MACROD2: variants seen among roughly 807,000 people sequenced by gnomAD.
MACROD2 encodes the protein mono-ADP ribosylhydrolase 2.
In MACROD2, 36 loss-of-function variants were observed where a neutral mutation model predicts 70.4. The ratio of observed to expected loss-of-function variants is 0.51; its 90% CI spans 0.39 to 0.68. The LOEUF (loss-of-function observed/expected upper bound fraction) is 0.68. Ranked by LOEUF, MACROD2 falls within the 30% of genes least tolerant of loss-of-function variation. The probability of loss-of-function intolerance (pLI) is 0.00; values close to 1 mark genes in which losing one functional copy is unlikely to be tolerated. For synonymous variants in MACROD2, 172 were observed against 178.8 expected (o/e 0.96, Z 0.30); for missense variants, 496 against 538.4 (o/e 0.92, Z 0.78).
chr20:14,821,653 G>T (rs907017505), intron 5 of MACROD2, among the ~76,000 whole-genome samples: 1 of 152,074 alleles, frequency 6.6e-6, no homozygotes, highest in African/African-American at 2.4e-5. Flanking sequence ...ACATCTTTGG[G>T]CATGGTCCTT....
chr20:14,620,202 C>G (rs1983750400), intron 4 of MACROD2, among the ~76,000 whole-genome samples: 1 of 151,808 alleles, frequency 6.6e-6, no homozygotes, highest in Non-Finnish European at 1.5e-5. Context: ...GATGATGTGC[C>G]ACTTCCATGT....
At chr20:14,229,510 A>G (rs2081779725) in intron 3 of MACROD2, among the ~76,000 whole-genome samples, 1 of 152,236 alleles carries the variant, frequency 6.6e-6, no homozygotes, top group African/African-American at 2.4e-5. Flanking sequence ...TGCAAGTTAA[A>G]ATAACAATTA....
chr20:14,793,238 A>G (rs748558040), intron 5 of MACROD2, among the ~76,000 whole-genome samples: 1 of 151,970 alleles, frequency 6.6e-6, no homozygotes. Flanking sequence ...TATAGTGTGA[A>G]TTAGAAATTA....
At chr20:14,141,386 TG>T (rs1272505274) in intron 3 of MACROD2, among the ~76,000 whole-genome samples, 1 of 152,204 alleles carries the variant, frequency 6.6e-6, no homozygotes, top group Non-Finnish European at 1.5e-5. Context: ...AGTTTTGTTT[TG>T]GTCTTAACAT....
intron 3 of MACROD2, among the ~76,000 whole-genome samples, chr20:14,237,693 T>TCCCCCCCCC (rs569732095): frequency 1.7e-5 from 1 of 57,162 alleles, no homozygotes; most frequent in Non-Finnish European, 3.6e-5. Context: ...CCCTCTCCCC[T>TCCCCCCCCC]CCCCCCCACC....
chr20:14,402,109 AGTGTAT>A (rs1031373811), intron 3 of MACROD2, among the ~76,000 whole-genome samples: 3 of 152,096 alleles, frequency 2.0e-5, no homozygotes, highest in Non-Finnish European at 2.9e-5. Flanking sequence ...TTCAATTATA[AGTGTAT>A]GTGTATGTGT....
intron 3 of MACROD2, among the ~76,000 whole-genome samples, chr20:14,458,776 C>G (rs2083268280): frequency 6.6e-6 from 1 of 152,052 alleles, no homozygotes; most frequent in Admixed American, 6.6e-5. Context: ...CTGAATTAGT[C>G]TCAAACACAA....
intron 3 of MACROD2, among the ~76,000 whole-genome samples, chr20:14,328,255 C>T (rs1176325801): frequency 6.6e-6 from 1 of 152,072 alleles, no homozygotes; most frequent in Non-Finnish European, 1.5e-5. Flanking sequence ...AATTACAAAG[C>T]TAATACATCC....
At chr20:15,121,513 CAAAAAAAAAA>C (rs5840653) in intron 5 of MACROD2, among the ~76,000 whole-genome samples, 1 of 122,036 alleles carries the variant, frequency 8.2e-6, no homozygotes, top group East Asian at 2.3e-4. Flanking sequence ...AACTCTGCCT[CAAAAAAAAAA>C]AAAAAAAGAA....
chr20:14,473,763 C>T (rs1397001365), intron 3 of MACROD2, among the ~76,000 whole-genome samples: 2 of 152,226 alleles, frequency 1.3e-5, no homozygotes, highest in African/African-American at 2.4e-5. Context: ...TTCATATCCA[C>T]TAACAGTGTG....
At chr20:14,471,191 C>T (rs2084526463) in intron 3 of MACROD2, among the ~76,000 whole-genome samples, 1 of 152,152 alleles carries the variant, frequency 6.6e-6, no homozygotes, top group Admixed American at 6.5e-5. Flanking sequence ...TCCCCAACCC[C>T]TTGGGCTTCC....
chr20:14,104,406 G>C (rs527407842), intron 3 of MACROD2, among the ~76,000 whole-genome samples: 2 of 152,316 alleles, frequency 1.3e-5, no homozygotes, highest in Non-Finnish European at 2.9e-5. Flanking sequence ...GATAGCCGAA[G>C]TTCAATGTCA....
intron 6 of MACROD2, among the ~76,000 whole-genome samples, chr20:15,336,386 AG>A (rs2078048805): frequency 7.9e-6 from 1 of 126,668 alleles, no homozygotes; most frequent in African/African-American, 2.9e-5. Context: ...AAAAAAAAAA[AG>A]AAAAAAAAAG....
In MACROD2 at chr20:14,748,866, G is replaced by A. The variant is rs190431207; in HGVS notation, c.418+63907G>A. Among the ~76,000 whole-genome samples, 942 of 152,130 alleles carry A rather than the reference G, an allele frequency of 6.2e-3. 19 individuals carry two copies. Among genetic ancestry groups the A allele is most frequent in the African/African-American group, 0.021 (880 of 41,440 alleles). ...GCATCTCTGCCATCCATGCACCACG[G>A]TAGTCTAGAGCAACTGAGAAAACCA... On this transcript the variant is annotated intron_variant, in intron 5 of 17. Coordinates refer to ENST00000684519, the MANE Select transcript of MACROD2 (RefSeq NM_001351661.2).
chr20:14,908,100 T>C (rs968822200), intron 5 of MACROD2, among the ~76,000 whole-genome samples: 5 of 152,154 alleles, frequency 3.3e-5, no homozygotes, highest in Admixed American at 2.6e-4. Flanking sequence ...TCCCAGCACT[T>C]TGGGAGGCCG....
At chr20:14,151,139 C>T (rs1158825682) in intron 3 of MACROD2, among the ~76,000 whole-genome samples, 10 of 152,252 alleles carry the variant, frequency 6.6e-5, no homozygotes, top group Middle Eastern at 3.4e-3. Context: ...GGAGGAAAGA[C>T]GTTAAATCAT....
At chr20:14,794,743 A>G (rs1356198856) in intron 5 of MACROD2, among the ~76,000 whole-genome samples, 1 of 152,162 alleles carries the variant, frequency 6.6e-6, no homozygotes, top group Admixed American at 6.5e-5. Context: ...CTGGGGTCTT[A>G]TAAGTGCCAG....
chr20:15,394,962 T>G (rs2045841720), intron 6 of MACROD2, among the ~76,000 whole-genome samples: 2 of 152,318 alleles, frequency 1.3e-5, no homozygotes, highest in South Asian at 4.1e-4. Flanking sequence ...TTTATTAATG[T>G]CCATCAAAGG....
At chr20:16,035,142 A>G (rs1205775319) in intron 15 of MACROD2, among the ~76,000 whole-genome samples, 1 of 113,184 alleles carries the variant, frequency 8.8e-6, no homozygotes, top group South Asian at 2.6e-4. Context: ...TATATTATAT[A>G]TTATATATAA....
Sources: allele counts gnomAD v4.1 joint callset (sites outside exome capture counted in the v4.1 genomes callset), GRCh38; gene constraint gnomAD v4.1.1; transcripts MANE v1.5; gene names NCBI Gene and HGNC (gene_info 2026-07-23, HGNC 2026-07-21).